Variants in KCNIP4 observed in about 807,000 individuals in gnomAD.
The protein encoded by KCNIP4 is potassium voltage-gated channel interacting protein 4, also known as Kv channel-interacting protein 4.
In KCNIP4, 12 loss-of-function variants were observed where a neutral mutation model predicts 34.0. The observed-to-expected ratio is 0.35, with a 90% CI of 0.23 to 0.57. KCNIP4 has a LOEUF of 0.57. KCNIP4 is among the 20% of genes least tolerant of loss of function. The pLI is 0.83. For synonymous variants in KCNIP4, 124 were observed against 102.2 expected, an observed-to-expected ratio of 1.21 and a Z score of -1.29; for missense variants, 238 against 311.7, an observed-to-expected ratio of 0.76 and a Z score of 1.78.
intron 3 of KCNIP4, among the ~76,000 whole-genome samples, chr4:20,804,712 T>G (rs1714840054): frequency 6.6e-6 from 1 of 152,290 alleles, no homozygotes; most frequent in African/African-American, 2.4e-5. Context: ...TGTCAGAAAC[T>G]TAATGTAACT....
chr4:20,966,933 T>A (rs757289041), intron 1 of KCNIP4, among the ~76,000 whole-genome samples: 1 of 152,126 alleles, frequency 6.6e-6, no homozygotes, highest in Admixed American at 6.5e-5. Flanking sequence ...ATTTTCATCT[T>A]ATGGGCAGGA....
At chr4:20,794,861 A>G (rs528280362) in intron 3 of KCNIP4, among the ~76,000 whole-genome samples, 1 of 152,346 alleles carries the variant, frequency 6.6e-6, no homozygotes, top group South Asian at 2.1e-4. Flanking sequence ...GGGACATCTG[A>G]GTTTCATTTC....
chr4:21,388,905 G>T (rs956556711), intron 1 of KCNIP4, among the ~76,000 whole-genome samples: 6 of 151,432 alleles, frequency 4.0e-5, no homozygotes, highest in Non-Finnish European at 7.4e-5. Context: ...AGACATTTGG[G>T]TTGTTTTCAT....
intron 2 of KCNIP4, among the ~76,000 whole-genome samples, chr4:20,875,322 T>G (rs948809564): frequency 6.6e-6 from 1 of 152,212 alleles, no homozygotes; most frequent in Non-Finnish European, 1.5e-5. Context: ...TGCCTCTTGC[T>G]GATGATGTGA....
At chr4:21,885,471 T>C (rs1051465678) in intron 1 of KCNIP4, among the ~76,000 whole-genome samples, 1 of 152,138 alleles carries the variant, frequency 6.6e-6, no homozygotes, top group Non-Finnish European at 1.5e-5. Flanking sequence ...TCTTTCTTTG[T>C]CTTGTAGCCT....
chr4:20,984,023 G>A, intron 1 of KCNIP4: 1 of 1,493,860 alleles, frequency 6.7e-7, no homozygotes. Flanking sequence ...ACAAAGACTT[G>A]CAAGGGGAAA....
intron 1 of KCNIP4, among the ~76,000 whole-genome samples, chr4:21,899,686 G>T (rs1204364595): frequency 6.6e-6 from 1 of 151,960 alleles, no homozygotes; most frequent in Admixed American, 6.6e-5. Context: ...AATCCCATTT[G>T]CAACAGCTAC....
chr4:21,373,391 G>A (rs1720670113), intron 1 of KCNIP4, among the ~76,000 whole-genome samples: 1 of 147,484 alleles, frequency 6.8e-6, no homozygotes, highest in Non-Finnish European at 1.5e-5. Flanking sequence ...AAAGTAGAGA[G>A]ATAGAGTAGA....
chr4:21,597,173 T>C (rs529514690), intron 1 of KCNIP4, among the ~76,000 whole-genome samples: 1 of 152,166 alleles, frequency 6.6e-6, no homozygotes, highest in South Asian at 2.1e-4. Context: ...TGGTGGGAGA[T>C]AATTGCATCA....
chr4:21,860,466 G>T (rs1298225596), intron 1 of KCNIP4, among the ~76,000 whole-genome samples: 1 of 152,076 alleles, frequency 6.6e-6, no homozygotes, highest in East Asian at 1.9e-4. Context: ...AGTTTAAAAT[G>T]TTTCATATTT....
At chr4:21,220,562 A>AAATAAT (rs931905275) in intron 1 of KCNIP4, among the ~76,000 whole-genome samples, 1 of 151,626 alleles carries the variant, frequency 6.6e-6, no homozygotes, top group South Asian at 2.1e-4. Context: ...GTATAATAAT[A>AAATAAT]AATAATAATA....
At chr4:20,747,283 G>A (rs1301977486) in intron 5 of KCNIP4, among the ~76,000 whole-genome samples, 2 of 152,100 alleles carry the variant, frequency 1.3e-5, no homozygotes, top group Non-Finnish European at 2.9e-5. Context: ...TTCAAGTAAT[G>A]GAGTCACTAA....
At chr4:20,996,926 G>T (rs756289418) in intron 1 of KCNIP4, among the ~76,000 whole-genome samples, 6 of 152,222 alleles carry the variant, frequency 3.9e-5, no homozygotes, top group Non-Finnish European at 8.8e-5. Flanking sequence ...TTTGTTGAAT[G>T]AATGATGGCA....
chr4:20,893,165 G>A (rs1284504418), intron 1 of KCNIP4, among the ~76,000 whole-genome samples: 2 of 152,166 alleles, frequency 1.3e-5, no homozygotes, highest in African/African-American at 4.8e-5. Context: ...TACAGTCATT[G>A]ACTAAGTGAA....
At chr4:21,860,354 G>A (rs1008266582) in intron 1 of KCNIP4, among the ~76,000 whole-genome samples, 1 of 151,944 alleles carries the variant, frequency 6.6e-6, no homozygotes. Flanking sequence ...GGCTGGTCTC[G>A]AACTCCTGAC....
intron 1 of KCNIP4, among the ~76,000 whole-genome samples, chr4:21,298,742 TATA>T (rs1578042149): frequency 6.6e-6 from 1 of 152,186 alleles, no homozygotes; most frequent in Admixed American, 6.5e-5. Context: ...ATGGTGCCTT[TATA>T]ATATTATTTT....
chr4:21,272,407 A>C (rs1376250765), intron 1 of KCNIP4, among the ~76,000 whole-genome samples: 1 of 152,192 alleles, frequency 6.6e-6, no homozygotes, highest in African/African-American at 2.4e-5. Flanking sequence ...TATTTTCCCA[A>C]GCATTTTATA....
intron 1 of KCNIP4, among the ~76,000 whole-genome samples, chr4:21,828,738 T>C (rs1475566085): frequency 2.6e-5 from 4 of 151,786 alleles, no homozygotes; most frequent in Non-Finnish European, 5.9e-5. Context: ...AAAATGTATA[T>C]CAAAATAGAA....
At chr4:21,026,721 T>C (rs1395240665) in intron 1 of KCNIP4, among the ~76,000 whole-genome samples, 1 of 152,174 alleles carries the variant, frequency 6.6e-6, no homozygotes, top group African/African-American at 2.4e-5. Context: ...TAATTTCTTT[T>C]TAGAATCTGA....
Sources: allele counts gnomAD v4.1 joint callset (sites outside exome capture counted in the v4.1 genomes callset), GRCh38; gene constraint gnomAD v4.1.1; transcripts MANE v1.5; gene names NCBI Gene and HGNC (gene_info 2026-07-23, HGNC 2026-07-21).